SYNDIG1: variants seen among roughly 807,000 people sequenced by gnomAD.
SYNDIG1 encodes synapse differentiation-inducing gene protein 1.
In SYNDIG1, 9 loss-of-function variants were observed where a neutral mutation model predicts 19.4. The ratio of observed to expected loss-of-function variants is 0.46; its 90% confidence interval spans 0.28 to 0.81. The LOEUF (loss-of-function observed/expected upper bound fraction) is 0.81, where lower values mean the gene tolerates loss of function less well. Among genes scored for constraint, SYNDIG1 ranks in the 30% least tolerant of loss-of-function variants. The probability of loss-of-function intolerance (pLI) is 0.12; values close to 1 mark genes in which losing one functional copy is unlikely to be tolerated. For missense variants in SYNDIG1, 311 were observed against 343.3 expected (o/e 0.91, Z 0.74); for synonymous variants, 141 against 145.9 (o/e 0.97, Z 0.24).
chr20:24,567,871 C>T (rs762911702), intron 2 of SYNDIG1, among the ~76,000 whole-genome samples: 16 of 152,334 alleles, frequency 1.1e-4, no homozygotes, highest in Admixed American at 2.0e-4. Context: ...TGGTGGCTCA[C>T]GCCTGTAATC....
intron 1 of SYNDIG1, among the ~76,000 whole-genome samples, chr20:24,475,666 T>A (rs2055599246): frequency 6.6e-6 from 1 of 152,220 alleles, no homozygotes; most frequent in Non-Finnish European, 1.5e-5. Context: ...ACCCTGTATT[T>A]GTGAGGACCT....
chr20:24,580,654 C>T (rs2058307362), intron 2 of SYNDIG1, among the ~76,000 whole-genome samples: 1 of 152,160 alleles, frequency 6.6e-6, no homozygotes, highest in Admixed American at 6.5e-5. Flanking sequence ...AGTGATCCTT[C>T]CACCTCAGCC....
chr20:24,537,538 C>A (rs2057386198), intron 1 of SYNDIG1, among the ~76,000 whole-genome samples: 1 of 151,956 alleles, frequency 6.6e-6, no homozygotes, highest in Non-Finnish European at 1.5e-5. Flanking sequence ...ATACAGCACA[C>A]CTTCATTCAT....
At chr20:24,536,858 A>G (rs1025123068) in intron 1 of SYNDIG1, among the ~76,000 whole-genome samples, 1 of 152,200 alleles carries the variant, frequency 6.6e-6, no homozygotes, top group Non-Finnish European at 1.5e-5. Context: ...GCAGGGAACC[A>G]TCACTGGGGC....
chr20:24,561,462 A>G (rs554995256), intron 2 of SYNDIG1, among the ~76,000 whole-genome samples: 50 of 152,050 alleles, frequency 3.3e-4, no homozygotes, highest in Non-Finnish European at 5.3e-4. Context: ...AAGCAATTCA[A>G]CCCCTTCCAG....
chr20:24,553,716 T>C (rs1030490262), intron 2 of SYNDIG1, among the ~76,000 whole-genome samples: 1 of 152,222 alleles, frequency 6.6e-6, no homozygotes, highest in African/African-American at 2.4e-5. Flanking sequence ...ACTGTAGCCT[T>C]GTAGTATAGT....
chr20:24,471,088 G>A lies in SYNDIG1; in HGVS notation c.-79+1335G>A, dbSNP rs555447649. Reference sequence around the variant, plus strand: ...TCCCTCCTACAGCCCAGCGTGTTTGGTCTGAGTCCAAAGAAGGAGGTGGTG... The same window carrying A: ...TCCCTCCTACAGCCCAGCGTGTTTGATCTGAGTCCAAAGAAGGAGGTGGTG... On this transcript the variant is annotated intron_variant, in intron 1 of 3. Transcript: ENST00000376862. Among the ~76,000 whole-genome samples, 3 of 152,224 alleles carry A rather than the reference G, an allele frequency of 2.0e-5. No homozygotes were observed. In the South Asian group the frequency reaches 6.2e-4, roughly 32 times the overall value.
intron 1 of SYNDIG1, chr20:24,502,453 G>A (rs1023146677): frequency 5.9e-5 from 9 of 152,148 alleles, no homozygotes; most frequent in South Asian, 2.1e-4. Context: ...ACAGAGCATC[G>A]TCCTGGCCTC....
rs186680920 is a variant in SYNDIG1, at chr20:24,656,839, T to A, written c.619-8507T>A. 2.2e-3 allele frequency among the ~76,000 whole-genome samples: 330 copies of A among 152,330 alleles called. 3 individuals carry two copies. Among genetic ancestry groups the A allele is most frequent in the African/African-American group, 7.6e-3 (317 of 41,584 alleles). On this transcript the variant is annotated intron_variant, in intron 3 of 3. Coordinates refer to ENST00000376862, the MANE Select transcript of SYNDIG1 (RefSeq NM_024893.3). ...AGATGTTTATCCCCTCCGAATCTCA[T>A]ATTGAGATGTAACCCCCAGTGTTGG...
At chr20:24,652,364 C>A (rs1326010632) in intron 3 of SYNDIG1, among the ~76,000 whole-genome samples, 2 of 152,160 alleles carry the variant, frequency 1.3e-5, no homozygotes, top group African/African-American at 4.8e-5. Flanking sequence ...CCAGGATTCA[C>A]CCCTTATCCC....
chr20:24,566,474 C>T (rs999581531), intron 2 of SYNDIG1, among the ~76,000 whole-genome samples: 62 of 152,294 alleles, frequency 4.1e-4, no homozygotes, highest in Middle Eastern at 3.4e-3. Flanking sequence ...CAAAGCCCTG[C>T]GGGTATCCTG....
intron 1 of SYNDIG1, among the ~76,000 whole-genome samples, chr20:24,477,325 A>G (rs1202989370): frequency 6.8e-6 from 1 of 147,948 alleles, no homozygotes; most frequent in South Asian, 2.1e-4. Context: ...GTCCTCAAAC[A>G]CACTGTTTTG....
At chr20:24,504,295 G>A (rs949390408) in intron 1 of SYNDIG1, among the ~76,000 whole-genome samples, 1 of 152,214 alleles carries the variant, frequency 6.6e-6, no homozygotes, top group Non-Finnish European at 1.5e-5. Flanking sequence ...TTTCATTGGT[G>A]TGGCTATCTG....
intron 2 of SYNDIG1, among the ~76,000 whole-genome samples, chr20:24,557,985 C>G (rs1403910548): frequency 1.3e-5 from 2 of 152,176 alleles, no homozygotes; most frequent in African/African-American, 4.8e-5. Context: ...GGAGCTCAGT[C>G]TCAAATCCGT....
chr20:24,547,949 A>C (rs146981088), intron 2 of SYNDIG1, among the ~76,000 whole-genome samples: 1 of 152,142 alleles, frequency 6.6e-6, no homozygotes, highest in Non-Finnish European at 1.5e-5. Flanking sequence ...AACCTCTCAG[A>C]CCTGAAGTAC....
intron 2 of SYNDIG1, among the ~76,000 whole-genome samples, chr20:24,559,394 C>A (rs950762327): frequency 1.3e-5 from 2 of 152,114 alleles, no homozygotes; most frequent in Admixed American, 1.3e-4. Context: ...GACCTGACCA[C>A]TATGCAATTT....
At chr20:24,525,519 G>A (rs897221890) in intron 1 of SYNDIG1, among the ~76,000 whole-genome samples, 4 of 151,868 alleles carry the variant, frequency 2.6e-5, no homozygotes, top group African/African-American at 9.7e-5. Flanking sequence ...CCTGACCTCA[G>A]GTGATCCACC....
intron 3 of SYNDIG1, among the ~76,000 whole-genome samples, chr20:24,626,306 C>T (rs1454504553): frequency 6.6e-6 from 1 of 151,760 alleles, no homozygotes; most frequent in Non-Finnish European, 1.5e-5. Flanking sequence ...GGAGGGGCTC[C>T]TCACTTCTCA....
intron 3 of SYNDIG1, among the ~76,000 whole-genome samples, chr20:24,597,927 C>T (rs1445311181): frequency 6.6e-6 from 1 of 152,176 alleles, no homozygotes; most frequent in Non-Finnish European, 1.5e-5. Flanking sequence ...CATAGAGGTG[C>T]ATTCTGGTCC....
Sources: allele counts gnomAD v4.1 joint callset (sites outside exome capture counted in the v4.1 genomes callset), GRCh38; gene constraint gnomAD v4.1.1; transcripts MANE v1.5; gene names NCBI Gene and HGNC (gene_info 2026-07-23, HGNC 2026-07-21).